FER1L6: variants seen among roughly 807,000 people sequenced by gnomAD.
FER1L6 encodes the protein fer-1-like protein 6.
Under a neutral mutation model 219.2 loss-of-function variants are expected in FER1L6, and 177 were observed. The observed-to-expected ratio is 0.81, with a 90% CI of 0.71 to 0.91. The LOEUF is 0.91. Ranked by LOEUF, FER1L6 falls within the 40% of genes least tolerant of loss-of-function variation. The probability of loss-of-function intolerance (pLI) is 0.00; values close to 1 mark genes in which losing one functional copy is unlikely to be tolerated. For synonymous variants in FER1L6, 768 were observed against 824.3 expected (o/e 0.93, Z 1.17); for missense variants, 2,153 against 2,259.9 (o/e 0.95, Z 0.96).
chr8:123,944,592 ACT>A (rs1214411279), intron 1 of FER1L6, among the ~76,000 whole-genome samples: 1 of 152,080 alleles, frequency 6.6e-6, no homozygotes, highest in Non-Finnish European at 1.5e-5. Context: ...ACGTACACAC[ACT>A]CTCAATCCTT....
At chr8:123,954,760 C>T (rs1171412492) in intron 1 of FER1L6, among the ~76,000 whole-genome samples, 11 of 152,220 alleles carry the variant, frequency 7.2e-5, no homozygotes, top group Admixed American at 5.9e-4. Flanking sequence ...CTGCACTCCA[C>T]ACATCCTAAG....
intron 20 of FER1L6, among the ~76,000 whole-genome samples, chr8:124,041,426 C>G (rs969093845): frequency 1.3e-5 from 2 of 152,210 alleles, no homozygotes; most frequent in Non-Finnish European, 2.9e-5. Flanking sequence ...ATTTATGACT[C>G]GCACACTGAC....
intron 27 of FER1L6, among the ~76,000 whole-genome samples, chr8:124,067,233 T>C (rs988581422): frequency 2.0e-5 from 3 of 152,368 alleles, no homozygotes; most frequent in Admixed American, 6.5e-5. Flanking sequence ...TATGGTTGCA[T>C]CTAGGACTAT....
At chr8:123,973,183 C>T (rs1443483048) in intron 6 of FER1L6, among the ~76,000 whole-genome samples, 1 of 152,150 alleles carries the variant, frequency 6.6e-6, no homozygotes, top group African/African-American at 2.4e-5. Flanking sequence ...GTGAGCTGTA[C>T]TCAGATTTAT....
intron 1 of FER1L6, among the ~76,000 whole-genome samples, chr8:123,883,650 A>G (rs780127523): frequency 6.6e-6 from 1 of 152,158 alleles, no homozygotes; most frequent in Non-Finnish European, 1.5e-5. Context: ...ATTTCTCACA[A>G]TTCTGGGGGC....
At chr8:124,096,202 T>TTCAA (rs199591572) in intron 35 of FER1L6, among the ~76,000 whole-genome samples, 2,140 of 152,354 alleles carry the variant, frequency 0.014, 52 homozygotes, top group African/African-American at 0.049. Context: ...ATCATCTGGT[T>TTCAA]ACTAGGATCC....
At chr8:123,953,458 A>G (rs1055593281) in intron 1 of FER1L6, among the ~76,000 whole-genome samples, 7 of 152,250 alleles carry the variant, frequency 4.6e-5, no homozygotes, top group East Asian at 1.9e-4. Context: ...GGCGACTCCA[A>G]TGGGCAGCAG....
chr8:124,015,571 C>CTATATATATATATATATATA (rs781161909), intron 15 of FER1L6, among the ~76,000 whole-genome samples: 8 of 43,222 alleles, frequency 1.9e-4, no homozygotes, highest in Non-Finnish European at 2.3e-4. Context: ...ATTATAAAAG[C>CTATATATATATATATATATA]TATATATATA....
intron 9 of FER1L6, among the ~76,000 whole-genome samples, chr8:123,976,530 G>A (rs1816080806): frequency 6.6e-6 from 1 of 151,756 alleles, no homozygotes. Flanking sequence ...AAAAGAAAAG[G>A]CAACGGGATG....
chr8:124,091,677 A>C (rs1586324491), intron 34 of FER1L6, 94 bp downstream of exon 34: 2 of 1,365,164 alleles, frequency 1.5e-6, no homozygotes, highest in East Asian at 4.6e-5. Context: ...TAATTATAAA[A>C]GTAATGTGGC....
At chr8:124,104,951 A>T (rs1822705333) in intron 39 of FER1L6, among the ~76,000 whole-genome samples, 1 of 152,216 alleles carries the variant, frequency 6.6e-6, no homozygotes, top group African/African-American at 2.4e-5. Context: ...TAGAGCTTAC[A>T]GTCTAAAGTC....
chr8:124,066,538 G>C lies in FER1L6; in HGVS notation c.3666G>C (p.Lys1222Asn), dbSNP rs1181266063. 5 of 1,613,880 alleles carry C rather than the reference G, an allele frequency of 3.1e-6. No individual in the cohort carries two copies. Among genetic ancestry groups the C allele is most frequent in the Non-Finnish European group, 4.2e-6 (5 of 1,179,900 alleles). Residue 1222 changes from lysine (K) to asparagine (N), a missense_variant, in exon 27 of 41, where the codon AAG becomes AAC. By Grantham distance (94) the Lys-to-Asn change is moderately conservative (BLOSUM62 0). Coordinates refer to ENST00000522917, the MANE Select transcript of FER1L6 (RefSeq NM_001039112.2). ...GGTCTAAGTATTATGCCTCCCTGAA[G>C]AAAGCCCAGAAGGTAGAGTCTCCCC... ...DWWSKYYASLKKAQKAKERNP... is the reference protein window; with the variant it reads ...DWWSKYYASLNKAQKAKERNP...
At chr8:123,989,568 C>G (rs190955531) in intron 12 of FER1L6, among the ~76,000 whole-genome samples, 2 of 152,160 alleles carry the variant, frequency 1.3e-5, no homozygotes, top group Admixed American at 1.3e-4. Flanking sequence ...CCTCTCATAC[C>G]TCTTCCTTCT....
At chr8:123,959,398 G>A (rs1228568495) in intron 2 of FER1L6, among the ~76,000 whole-genome samples, 1 of 152,212 alleles carries the variant, frequency 6.6e-6, no homozygotes, top group African/African-American at 2.4e-5. Context: ...TTGCAGTCAA[G>A]GAGGGGAGCA....
At position 123,956,057 on chromosome 8, in the gene FER1L6, C is replaced by T; in HGVS notation, c.59C>T (p.Ala20Val). ...RNKAEKGLIL[A>V]NKAAKDSQGD... Reference sequence around the variant, plus strand: ...AAGGCAGAGAAGGGGTTAATCCTAGCCAACAAGGCTGCGAAAGGTGAGGCT... The same window carrying T: ...AAGGCAGAGAAGGGGTTAATCCTAGTCAACAAGGCTGCGAAAGGTGAGGCT... The change falls in exon 2 of 41, where the codon GCC becomes GTC. Residue 20 changes from alanine (A) to valine (V), a missense_variant. Physicochemically the swap from Ala to Val is moderately conservative, Grantham distance 64 (BLOSUM62 0). Transcript: ENST00000522917. 1 of 1,611,240 alleles carries T rather than the reference C, an allele frequency of 6.2e-7. No individual in the cohort carries two copies. Among genetic ancestry groups the T allele is most frequent in the Middle Eastern group, 1.7e-4 (1 of 5,970 alleles).
In FER1L6 at chr8:123,976,027, G is replaced by T. The variant is rs11991668; in HGVS notation, c.813G>T (p.Val271=). 5,204 of 1,614,032 alleles carry T rather than the reference G, an allele frequency of 3.2e-3. 129 individuals carry two copies. The African/African-American group carries it at 0.059, about 18-fold the overall frequency. ...SIMANVTKAF[V]GDSKDLVDPF... The stretch of plus-strand genomic sequence containing the variant: ...TGGCGAACGTCACCAAGGCATTTGT[G>T]GGTGACAGTAAGGACCTGGTGGATC... The change falls in exon 9 of 41, where the codon GTG becomes GTT. Residue 271 remains valine (V), a synonymous_variant. Coordinates refer to ENST00000522917, the MANE Select transcript of FER1L6 (RefSeq NM_001039112.2).
intron 1 of FER1L6, among the ~76,000 whole-genome samples, chr8:123,934,674 G>A (rs544015698): frequency 1.3e-5 from 2 of 152,142 alleles, no homozygotes; most frequent in African/African-American, 4.8e-5. Context: ...GCCCCCAACA[G>A]CCTTTCATCT....
At chr8:124,027,537 C>T (rs944120073) in intron 18 of FER1L6, among the ~76,000 whole-genome samples, 5 of 152,210 alleles carry the variant, frequency 3.3e-5, no homozygotes, top group South Asian at 4.2e-4. Flanking sequence ...TGAGGCTCTC[C>T]GTGTTATTTT....
intron 11 of FER1L6, chr8:123,984,715 G>A (rs1302929332): frequency 6.6e-6 from 1 of 152,120 alleles, no homozygotes. Context: ...ACATTTCCTA[G>A]GAAGACTGGC....
Sources: allele counts gnomAD v4.1 joint callset (sites outside exome capture counted in the v4.1 genomes callset), GRCh38; gene constraint gnomAD v4.1.1; transcripts MANE v1.5; gene names NCBI Gene and HGNC (gene_info 2026-07-23, HGNC 2026-07-21).